HSF1: variants seen among roughly 807,000 people sequenced by gnomAD.
The protein encoded by HSF1 is heat shock transcription factor 1.
A neutral mutation model predicts 51.7 loss-of-function variants in HSF1; 32 were observed. The ratio of observed to expected loss-of-function variants is 0.62; its 90% CI spans 0.47 to 0.83. The LOEUF is 0.83. HSF1 is among the 40% of genes least tolerant of loss of function. The pLI, the probability that HSF1 is intolerant of heterozygous loss-of-function variation, is 0.00. For synonymous variants in HSF1, 396 were observed against 309.7 expected, an observed-to-expected ratio of 1.28 and a Z score of -2.92; for missense variants, 727 against 717.0, an observed-to-expected ratio of 1.01 and a Z score of -0.16.
At chr8:144,310,787 A>G (rs1816584384) in intron 4 of HSF1, 1 of 266,180 alleles carries the variant, frequency 3.8e-6, no homozygotes, top group Non-Finnish European at 7.4e-6. Context: ...CCAGTGTCGC[A>G]GCCTGAAGAA....
intron 1 of HSF1, among the ~76,000 whole-genome samples, chr8:144,295,587 T>G (rs1351162894): frequency 6.6e-6 from 1 of 152,246 alleles, no homozygotes; most frequent in African/African-American, 2.4e-5. Flanking sequence ...AAGGTCTCGC[T>G]CTGTTGCCCA....
chr8:144,310,102 A>T (rs1816517919), intron 4 of HSF1: 2 of 605,148 alleles, frequency 3.3e-6, no homozygotes, highest in Non-Finnish European at 5.7e-6. Context: ...CCATGTGCAG[A>T]AGGGGGTTGG....
At chr8:144,308,068 C>T (rs1816338790) in intron 1 of HSF1, among the ~76,000 whole-genome samples, 1 of 152,216 alleles carries the variant, frequency 6.6e-6, no homozygotes, top group Non-Finnish European at 1.5e-5. Flanking sequence ...CTGGCTTTTT[C>T]CCTGTTTGCA....
In HSF1 at chr8:144,314,336, C is replaced by T. The variant is rs1374007216; in HGVS notation, c.*6C>T. 1 of 1,544,304 alleles carries T rather than the reference C, an allele frequency of 6.5e-7. No individual in the cohort carries two copies. Among genetic ancestry groups the T allele is most frequent in the East Asian group, 2.5e-5 (1 of 40,720 alleles). On this transcript the variant is annotated 3_prime_UTR_variant, in exon 13 of 13. Coordinates refer to ENST00000528838, the MANE Select transcript of HSF1 (RefSeq NM_005526.4). Reference sequence around the variant, plus strand: ...AGGACCCCACTGTCTCCTAGAGGCCCCGGAGGAGCTGGGCCAGCCGCCCAC... The same window carrying T: ...AGGACCCCACTGTCTCCTAGAGGCCTCGGAGGAGCTGGGCCAGCCGCCCAC...
intron 1 of HSF1, among the ~76,000 whole-genome samples, chr8:144,303,890 A>C (rs1224813126): frequency 1.3e-5 from 2 of 152,194 alleles, no homozygotes; most frequent in Non-Finnish European, 2.9e-5. Flanking sequence ...ATAAAAAAAA[A>C]AATTGTGGTT....
Position 144,311,374 on chromosome 8 carries a change from G to A in HSF1, c.618G>A (p.Lys206=), listed in dbSNP as rs782232271. 6.2e-6 allele frequency: 10 copies of A among 1,613,892 alleles called. No homozygotes were observed. The highest frequency in any genetic ancestry group is 1.3e-5 in the African/African-American group (1 of 74,952). The change falls in exon 6 of 13, where the codon AAG becomes AAA. Residue 206 remains lysine, a synonymous_variant. Coordinates refer to ENST00000528838, the MANE Select transcript of HSF1 (RefSeq NM_005526.4). Reference sequence around the variant, plus strand: ...AGTCAAACCGGATCCTGGGGGTGAAGAGAAAGATGTGAGGTTTTGGGGATG... The same window carrying A: ...AGTCAAACCGGATCCTGGGGGTGAAAAGAAAGATGTGAGGTTTTGGGGATG... ...LVQSNRILGV[K]RKIPLMLNDS... is the part of the protein sequence containing the mutation.
intron 9 of HSF1, chr8:144,312,640 T>C: frequency 6.5e-7 from 1 of 1,535,322 alleles, no homozygotes; most frequent in South Asian, 1.2e-5. Context: ...TGGCTCGCAC[T>C]CCACAGATGT....
intron 1 of HSF1, among the ~76,000 whole-genome samples, chr8:144,305,736 T>C (rs1816175461): frequency 1.5e-5 from 2 of 136,462 alleles, no homozygotes; most frequent in South Asian, 5.1e-4. Context: ...TTTTTTTTTT[T>C]TTTTTTTTTT....
At chr8:144,311,869 C>T in intron 8 of HSF1, 33 bp downstream of exon 8, 1 of 1,588,002 alleles carries the variant, frequency 6.3e-7, no homozygotes, top group Non-Finnish European at 8.6e-7. Flanking sequence ...CATCCTGTCC[C>T]CCAATGAGGC....
At chr8:144,294,726 G>C (rs1815342511) in intron 1 of HSF1, among the ~76,000 whole-genome samples, 1 of 152,196 alleles carries the variant, frequency 6.6e-6, no homozygotes. Flanking sequence ...TGGGGACTGT[G>C]GCAGCTACCC....
At chr8:144,311,123 C>T in intron 4 of HSF1, 51 bp from the exon 5 acceptor site, 2 of 1,527,968 alleles carry the variant, frequency 1.3e-6, no homozygotes, top group South Asian at 2.4e-5. Context: ...GCTCCCTCAG[C>T]CCTGGGGCTC....
chr8:144,296,331 C>T (rs945114942), intron 1 of HSF1, among the ~76,000 whole-genome samples: 2 of 152,210 alleles, frequency 1.3e-5, no homozygotes, highest in African/African-American at 4.8e-5. Context: ...CCCCTGCTTC[C>T]CTGGTTCTGA....
At chr8:144,292,558 T>C (rs1815166754) in intron 1 of HSF1, 1 of 152,258 alleles carries the variant, frequency 6.6e-6, no homozygotes, top group Admixed American at 6.5e-5. Flanking sequence ...AGTAAATCAG[T>C]GATTGTCTGG....
intron 9 of HSF1, chr8:144,312,719 C>G: frequency 6.5e-7 from 1 of 1,534,570 alleles, no homozygotes; most frequent in Non-Finnish European, 8.7e-7. Flanking sequence ...AGGGTTAGCG[C>G]TGACCCCACT....
chr8:144,312,679 C>A, intron 9 of HSF1: 1 of 1,535,552 alleles, frequency 6.5e-7, no homozygotes, highest in Non-Finnish European at 8.7e-7. Flanking sequence ...TCCCCTGCCC[C>A]TCTTCCTCTC....
chr8:144,296,444 A>G (rs1815465534), intron 1 of HSF1, among the ~76,000 whole-genome samples: 1 of 152,200 alleles, frequency 6.6e-6, no homozygotes, highest in Non-Finnish European at 1.5e-5. Context: ...GAAGTGCTGC[A>G]GGGTCTGGAG....
At chr8:144,311,861 T>G in intron 8 of HSF1, 25 bp downstream of exon 8, 1 of 1,590,794 alleles carries the variant, frequency 6.3e-7, no homozygotes, top group Non-Finnish European at 8.6e-7. Context: ...ACCCCAGCCA[T>G]CCTGTCCCCC....
intron 1 of HSF1, among the ~76,000 whole-genome samples, chr8:144,302,228 G>A (rs991334990): frequency 6.6e-6 from 1 of 151,708 alleles, no homozygotes; most frequent in East Asian, 2.0e-4. Flanking sequence ...TTAAAGGCAG[G>A]CCGGGCGCCG....
chr8:144,314,388 T>TG lies in HSF1; in HGVS notation c.*62dup. The TG allele has an allele frequency of 6.8e-7, 1 of 1,461,362 alleles. No individual in the cohort carries two copies. The highest frequency in any genetic ancestry group is 1.2e-5 in the South Asian group (1 of 80,602). 90.5% of individuals were successfully genotyped at this position (1,461,362 alleles called of 1,614,324 possible). On this transcript the variant is annotated 3_prime_UTR_variant, in exon 13 of 13. Coordinates refer to ENST00000528838, the MANE Select transcript of HSF1 (RefSeq NM_005526.4). ...CCCACCCCCAGTGCAGGGCTGGTCTTGGGGAGGCAGGGCAGCCTCGCGGTC... is the reference window on the plus strand; with the variant it reads ...CCCACCCCCAGTGCAGGGCTGGTCTTGGGGGAGGCAGGGCAGCCTCGCGGTC...
Sources: gnomAD v4.1 joint callset for allele counts (sites outside exome capture counted in the v4.1 genomes callset) on GRCh38, gnomAD v4.1.1 for gene constraint, MANE v1.5 for transcripts, NCBI Gene and HGNC (gene_info 2026-07-23, HGNC 2026-07-21) for gene names.